ANKRD42: variants seen among roughly 807,000 people sequenced by gnomAD.
The protein encoded by ANKRD42 is ankyrin repeat domain-containing protein 42.
In ANKRD42, 43 loss-of-function variants were observed where a neutral mutation model predicts 51.5. That is an observed-to-expected ratio of 0.83 (90% CI 0.65 to 1.08). The LOEUF (loss-of-function observed/expected upper bound fraction) is 1.08. Among genes scored for constraint, ANKRD42 ranks in the 50% least tolerant of loss-of-function variants. ANKRD42 has a pLI of 0.00. For missense variants in ANKRD42, 608 were observed against 629.3 expected, an observed-to-expected ratio of 0.97 and a Z score of 0.36; for synonymous variants, 203 against 213.0, an observed-to-expected ratio of 0.95 and a Z score of 0.41.
At chr11:83,197,715 G>A (rs998601608) in intron 1 of ANKRD42, among the ~76,000 whole-genome samples, 6 of 152,108 alleles carry the variant, frequency 3.9e-5, no homozygotes, top group African/African-American at 1.4e-4. Flanking sequence ...TATTGCCTCT[G>A]GTTCACAATG....
chr11:83,220,283 T>C (rs1862678567), intron 5 of ANKRD42, among the ~76,000 whole-genome samples: 1 of 152,204 alleles, frequency 6.6e-6, no homozygotes, highest in Non-Finnish European at 1.5e-5. Context: ...GCCTGACACC[T>C]GTGTCTTTAG....
At chr11:83,226,506 C>A (rs1862890691) in intron 6 of ANKRD42, among the ~76,000 whole-genome samples, 1 of 152,096 alleles carries the variant, frequency 6.6e-6, no homozygotes, top group Non-Finnish European at 1.5e-5. Context: ...AAGAAACAAC[C>A]TAGAATAGCC....
chr11:83,255,783 G>C, intron 11 of ANKRD42: 1 of 1,342,042 alleles, frequency 7.5e-7, no homozygotes, highest in Non-Finnish European at 1.0e-6. Context: ...AGGCAATGTA[G>C]AAAGACGAAA....
intron 5 of ANKRD42, among the ~76,000 whole-genome samples, chr11:83,220,088 AG>A (rs910104040): frequency 1.3e-5 from 2 of 152,176 alleles, no homozygotes; most frequent in African/African-American, 4.8e-5. Context: ...TAACCCATGC[AG>A]GGGGAGCCTC....
At chr11:83,218,378 G>A (rs992807108) in intron 5 of ANKRD42, among the ~76,000 whole-genome samples, 1 of 152,080 alleles carries the variant, frequency 6.6e-6, no homozygotes, top group Non-Finnish European at 1.5e-5. Flanking sequence ...ACCTGGCTGA[G>A]ATACCATAAA....
intron 7 of ANKRD42, among the ~76,000 whole-genome samples, chr11:83,234,086 G>A (rs1374590799): frequency 6.6e-6 from 1 of 152,118 alleles, no homozygotes; most frequent in Non-Finnish European, 1.5e-5. Context: ...ATAGGTTTTT[G>A]TATGTTGTGT....
chr11:83,213,057 A>T, intron 5 of ANKRD42: 1 of 1,600,220 alleles, frequency 6.2e-7, no homozygotes, highest in Non-Finnish European at 8.5e-7. Flanking sequence ...AAGAGAACTA[A>T]GAAGTTCTTC....
Position 83,240,906 on chromosome 11 carries a change from G to T in ANKRD42, c.1167G>T (p.Leu389=). The change falls in exon 9 of 11, where the codon CTG becomes CTT. Residue 389 remains leucine, a synonymous_variant. Coordinates refer to ENST00000533342, the MANE Select transcript of ANKRD42 (RefSeq NM_001300975.2). ...GSTDAKDDLC[L]SDLDKTDARM... ...CTGATGCCAAGGATGATTTATGTCT[G>T]AGTGACTTGGATAAAACAGATGCCA... 2 of 1,613,828 alleles carry T rather than the reference G, an allele frequency of 1.2e-6. No homozygotes were observed. Among genetic ancestry groups the T allele is most frequent in the South Asian group, 2.2e-5 (2 of 91,024 alleles).
chr11:83,235,781 A>T (rs1398503916), intron 7 of ANKRD42, among the ~76,000 whole-genome samples: 1 of 152,256 alleles, frequency 6.6e-6, no homozygotes, highest in Non-Finnish European at 1.5e-5. Flanking sequence ...GGGAAGACAC[A>T]TAAGCAGAGT....
chr11:83,257,253 C>G (rs1863789715), downstream of ANKRD42: 5 of 453,090 alleles, frequency 1.1e-5, no homozygotes, highest in Non-Finnish European at 1.8e-5. Flanking sequence ...GGTGGGAAGT[C>G]TGGGGTATGG....
chr11:83,263,906 A>G (rs1169921146), downstream of ANKRD42, among the ~76,000 whole-genome samples: 1 of 152,144 alleles, frequency 6.6e-6, no homozygotes, highest in Non-Finnish European at 1.5e-5. Context: ...TCCATCTTCA[A>G]CCCTGCTGGC....
intron 3 of ANKRD42, chr11:83,209,681 C>T: frequency 1.3e-6 from 1 of 747,368 alleles, no homozygotes; most frequent in East Asian, 2.5e-5. Context: ...ACACAGCTGT[C>T]CTTACTTCCT....
intron 3 of ANKRD42, among the ~76,000 whole-genome samples, chr11:83,208,115 C>G (rs2135495267): frequency 1.3e-5 from 2 of 152,240 alleles, no homozygotes; most frequent in South Asian, 4.2e-4. Flanking sequence ...CATCAACCTC[C>G]TGGGCCCAAG....
Position 83,206,152 on chromosome 11 carries a change from A to T in ANKRD42, c.317A>T (p.Asp106Val), listed in dbSNP as rs1181716018. 3.1e-6 allele frequency: 5 copies of T among 1,613,136 alleles called. No individual in the cohort carries two copies. The South Asian group carries it at 5.5e-5, about 18-fold the overall frequency. Residue 106 changes from aspartate to valine, a missense_variant, in exon 3 of 11, where the codon GAT becomes GTT. Coordinates refer to ENST00000533342, the MANE Select transcript of ANKRD42 (RefSeq NM_001300975.2). ...ASHIAAIRGQ[D>V]ACVQALIMNG... ...CACATAGCTGCAATCAGGGGTCAGG[A>T]TGCTTGTGTACAGGTAATAATATTA...
chr11:83,239,789 A>C (rs1863334429), intron 8 of ANKRD42, among the ~76,000 whole-genome samples: 2 of 152,212 alleles, frequency 1.3e-5, no homozygotes, highest in African/African-American at 4.8e-5. Flanking sequence ...GGTATATCTG[A>C]AGTTTTCCAT....
downstream of ANKRD42, chr11:83,260,944 AGATGGGT>A: frequency 6.6e-6 from 1 of 152,366 alleles, no homozygotes; most frequent in South Asian, 2.1e-4. Flanking sequence ...AATAAATTTA[AGATGGGT>A]TAACTTAAAC....
rs184991674 is a variant in ANKRD42, at chr11:83,211,995, C to T, written c.586+565C>T. On this transcript the variant is annotated intron_variant, in intron 5 of 10. Coordinates refer to ENST00000533342, the MANE Select transcript of ANKRD42 (RefSeq NM_001300975.2). ...AAAATTAAACATAGATTTGCTCTTC[C>T]TGCCAGCTCTTTCCTTCATCTGCTA... is the stretch of plus-strand genomic sequence containing the variant. 2.1e-4 allele frequency among the ~76,000 whole-genome samples: 32 copies of T among 152,240 alleles called. No homozygotes were observed. In the East Asian group the frequency reaches 5.4e-3, roughly 26 times the overall value.
intron 8 of ANKRD42, among the ~76,000 whole-genome samples, chr11:83,238,597 G>A (rs1330186764): frequency 1.3e-5 from 2 of 152,098 alleles, no homozygotes; most frequent in African/African-American, 2.4e-5. Context: ...TTGGGAGGCC[G>A]AGGCGGGCGG....
At chr11:83,215,331 A>G (rs1218353072) in intron 5 of ANKRD42, 2 of 151,410 alleles carry the variant, frequency 1.3e-5, no homozygotes, top group African/African-American at 4.9e-5. Flanking sequence ...AGTATCTTTT[A>G]GTCTACGTGT....
Sources: allele counts gnomAD v4.1 joint callset (sites outside exome capture counted in the v4.1 genomes callset), GRCh38; gene constraint gnomAD v4.1.1; transcripts MANE v1.5; gene names NCBI Gene and HGNC (gene_info 2026-07-23, HGNC 2026-07-21).